NEK11: variants seen among roughly 807,000 people sequenced by gnomAD.
The protein encoded by NEK11 is NIMA related kinase 11, also known as serine/threonine-protein kinase Nek11.
A neutral mutation model predicts 80.7 loss-of-function variants in NEK11; 72 were observed. That is an observed-to-expected ratio of 0.89 (90% CI 0.74 to 1.08). The LOEUF (loss-of-function observed/expected upper bound fraction) is 1.08. NEK11 is among the 50% of genes least tolerant of loss of function. The probability of loss-of-function intolerance (pLI) is 0.00; values close to 1 mark genes in which losing one functional copy is unlikely to be tolerated. For synonymous variants in NEK11, 251 were observed against 260.7 expected (o/e 0.96, Z 0.36); for missense variants, 764 against 763.6 (o/e 1.00, Z -0.01).
intron 5 of NEK11, among the ~76,000 whole-genome samples, chr3:131,116,182 G>A (rs957691468): frequency 6.6e-6 from 1 of 151,784 alleles, no homozygotes; most frequent in Non-Finnish European, 1.5e-5. Flanking sequence ...GTGTCCAAGT[G>A]TTCTCATTGT....
At chr3:131,199,061 G>A (rs2094134318) in intron 14 of NEK11, among the ~76,000 whole-genome samples, 1 of 152,196 alleles carries the variant, frequency 6.6e-6, no homozygotes, top group African/African-American at 2.4e-5. Flanking sequence ...GCAGAGCTGA[G>A]CCTTTGGTTT....
intron 14 of NEK11, among the ~76,000 whole-genome samples, chr3:131,221,558 G>T (rs1039011970): frequency 6.6e-6 from 1 of 152,200 alleles, no homozygotes; most frequent in Non-Finnish European, 1.5e-5. Context: ...TGGGATGGTG[G>T]TGGGCCCACA....
chr3:131,328,747 G>T (rs1052703088), intron 17 of NEK11: 1 of 152,196 alleles, frequency 6.6e-6, no homozygotes, highest in Admixed American at 6.5e-5. Flanking sequence ...TTCTAGGAGT[G>T]GGGGAACATG....
At chr3:131,177,575 G>A (rs958140375) in intron 14 of NEK11, among the ~76,000 whole-genome samples, 3 of 152,068 alleles carry the variant, frequency 2.0e-5, no homozygotes, top group Admixed American at 6.6e-5. Flanking sequence ...TTGATTCGAC[G>A]TGAGAAGATG....
chr3:131,247,436 T>C (rs1251152226), intron 16 of NEK11, among the ~76,000 whole-genome samples: 1 of 152,148 alleles, frequency 6.6e-6, no homozygotes, highest in African/African-American at 2.4e-5. Flanking sequence ...TATAAGTATA[T>C]GGCTTTATTT....
chr3:131,058,494 T>G (rs2070116621), intron 3 of NEK11, among the ~76,000 whole-genome samples: 1 of 152,134 alleles, frequency 6.6e-6, no homozygotes, highest in Admixed American at 6.6e-5. Context: ...CAGCCCCAGA[T>G]TAGAGTTGCT....
chr3:131,130,032 A>T (rs1308596643), intron 5 of NEK11, among the ~76,000 whole-genome samples: 1 of 152,168 alleles, frequency 6.6e-6, no homozygotes, highest in Admixed American at 6.5e-5. Context: ...AAGAATCCAT[A>T]TCTTGACAAT....
intron 3 of NEK11, among the ~76,000 whole-genome samples, chr3:131,036,483 A>G (rs577190721): frequency 5.1e-4 from 77 of 152,376 alleles, no homozygotes; most frequent in African/African-American, 1.8e-3. Context: ...AACTGGAGAT[A>G]AAAACTCTAC....
chr3:131,304,648 G>A (rs2096703318), intron 17 of NEK11, among the ~76,000 whole-genome samples: 1 of 152,140 alleles, frequency 6.6e-6, no homozygotes, highest in African/African-American at 2.4e-5. Flanking sequence ...CTTTGTTTAT[G>A]GAATAAGCTG....
intron 17 of NEK11, among the ~76,000 whole-genome samples, chr3:131,336,224 C>T (rs2097181387): frequency 6.6e-6 from 1 of 152,198 alleles, no homozygotes; most frequent in Admixed American, 6.5e-5. Context: ...AACTATACTA[C>T]AAGGTTACAG....
rs560656380 is a variant in NEK11, at chr3:131,295,483, G to T, written c.1718+21909G>T. On this transcript the variant is annotated intron_variant, in intron 17 of 17. Coordinates refer to ENST00000383366, the MANE Select transcript of NEK11 (RefSeq NM_024800.5). Reference sequence around the variant, plus strand: ...CTCAACGTGTAGTACGTTATCATGCGAATCATGAAGGAAAAGTTAGAAATG... The same window carrying T: ...CTCAACGTGTAGTACGTTATCATGCTAATCATGAAGGAAAAGTTAGAAATG... Among the ~76,000 whole-genome samples the T allele has an allele frequency of 3.9e-5, 6 of 152,250 alleles. No homozygotes were observed. The South Asian group carries it at 1.2e-3, about 32-fold the overall frequency.
intron 17 of NEK11, among the ~76,000 whole-genome samples, chr3:131,307,134 T>C (rs1031404371): frequency 6.6e-6 from 1 of 152,184 alleles, no homozygotes; most frequent in Non-Finnish European, 1.5e-5. Context: ...AATGAGAAAC[T>C]AGAAGTCCTC....
At chr3:131,248,845 C>A (rs537464578) in intron 16 of NEK11, among the ~76,000 whole-genome samples, 1 of 152,226 alleles carries the variant, frequency 6.6e-6, no homozygotes, top group South Asian at 2.1e-4. Context: ...TAGATGCAGA[C>A]CCTGTTCTTT....
chr3:131,334,361 A>G (rs1443570759), intron 17 of NEK11, among the ~76,000 whole-genome samples: 10 of 152,140 alleles, frequency 6.6e-5, no homozygotes, highest in Admixed American at 4.6e-4. Flanking sequence ...CTGCTCCTGA[A>G]TGACTACTGG....
At chr3:131,226,251 T>A (rs1327276260) in intron 14 of NEK11, among the ~76,000 whole-genome samples, 1 of 152,186 alleles carries the variant, frequency 6.6e-6, no homozygotes, top group Non-Finnish European at 1.5e-5. Flanking sequence ...ACTGGAGATC[T>A]CTCAGGAGAT....
chr3:131,337,521 C>T (rs1373016180), intron 17 of NEK11, among the ~76,000 whole-genome samples: 6 of 151,456 alleles, frequency 4.0e-5, no homozygotes, highest in East Asian at 1.9e-4. Context: ...TGCTAAATGA[C>T]GAGTTAATGG....
intron 17 of NEK11, among the ~76,000 whole-genome samples, chr3:131,326,947 T>C (rs1056641578): frequency 2.0e-5 from 3 of 152,282 alleles, no homozygotes; most frequent in Admixed American, 6.5e-5. Context: ...AGAGAGATAA[T>C]TGCCCCCTTT....
intron 7 of NEK11, among the ~76,000 whole-genome samples, chr3:131,149,056 G>T (rs1363813420): frequency 6.6e-6 from 1 of 151,750 alleles, no homozygotes; most frequent in Non-Finnish European, 1.5e-5. Flanking sequence ...TATTTTTTGT[G>T]TTTAAACCTT....
At chr3:131,280,107 A>C (rs1346933474) in intron 17 of NEK11, among the ~76,000 whole-genome samples, 2 of 152,196 alleles carry the variant, frequency 1.3e-5, no homozygotes, top group Non-Finnish European at 2.9e-5. Context: ...AGGCCTGAGA[A>C]TCTGGGGGAG....
Sources: gnomAD v4.1 joint callset for allele counts (sites outside exome capture counted in the v4.1 genomes callset) on GRCh38, gnomAD v4.1.1 for gene constraint, MANE v1.5 for transcripts, NCBI Gene and HGNC (gene_info 2026-07-23, HGNC 2026-07-21) for gene names.